The following AGBL4 variants were observed in gnomAD, a reference collection of about 807,000 sequenced individuals.
AGBL4 encodes the protein AGBL carboxypeptidase 4.
AGBL4 carries 58 observed loss-of-function variants against 66.4 expected under a neutral mutation model. That is an observed-to-expected ratio of 0.87 (90% CI 0.71 to 1.09). The LOEUF is 1.09. Among genes scored for constraint, AGBL4 ranks in the 50% least tolerant of loss-of-function variants. The pLI, the probability that AGBL4 is intolerant of heterozygous loss-of-function variation, is 0.00. For synonymous variants in AGBL4, 234 were observed against 222.9 expected, an observed-to-expected ratio of 1.05 and a Z score of -0.44; for missense variants, 579 against 631.0, an observed-to-expected ratio of 0.92 and a Z score of 0.88.
intron 3 of AGBL4, among the ~76,000 whole-genome samples, chr1:49,281,999 T>C (rs974262492): frequency 2.0e-5 from 3 of 152,178 alleles, no homozygotes; most frequent in Admixed American, 6.5e-5. Context: ...TCCTACTACT[T>C]GTGATGGGCA....
At chr1:49,206,949 A>G (rs938023732) in intron 4 of AGBL4, among the ~76,000 whole-genome samples, 2 of 151,576 alleles carry the variant, frequency 1.3e-5, no homozygotes, top group Admixed American at 1.3e-4. Context: ...GCGGAATGGG[A>G]ACTGAGGGAA....
chr1:49,920,999 C>T (rs1042735055), intron 1 of AGBL4, among the ~76,000 whole-genome samples: 3 of 152,106 alleles, frequency 2.0e-5, no homozygotes, highest in African/African-American at 7.2e-5. Flanking sequence ...GACAGAAAAC[C>T]GAACACCGCA....
intron 6 of AGBL4, among the ~76,000 whole-genome samples, chr1:48,836,268 C>T (rs1442772208): frequency 6.8e-6 from 1 of 147,950 alleles, no homozygotes; most frequent in Non-Finnish European, 1.5e-5. Context: ...ATCCCTCTCA[C>T]CCACCAGGGA....
At chr1:49,223,445 G>A (rs1340318132) in intron 4 of AGBL4, among the ~76,000 whole-genome samples, 1 of 152,050 alleles carries the variant, frequency 6.6e-6, no homozygotes, top group Non-Finnish European at 1.5e-5. Flanking sequence ...GTTTATGTGG[G>A]GCAGCCATTC....
intron 4 of AGBL4, among the ~76,000 whole-genome samples, chr1:49,106,273 C>T (rs1308306426): frequency 6.6e-6 from 1 of 152,188 alleles, no homozygotes; most frequent in African/African-American, 2.4e-5. Context: ...ATCACACATA[C>T]ATACCTCACA....
chr1:49,449,595 T>C (rs1231359803), intron 3 of AGBL4, among the ~76,000 whole-genome samples: 3 of 151,926 alleles, frequency 2.0e-5, no homozygotes, highest in Admixed American at 6.6e-5. Flanking sequence ...GAGACTAAAA[T>C]TGGTATGGGA....
intron 5 of AGBL4, among the ~76,000 whole-genome samples, chr1:49,024,646 G>A (rs1663502594): frequency 6.6e-6 from 1 of 152,156 alleles, no homozygotes; most frequent in South Asian, 2.1e-4. Flanking sequence ...CTATTATCAT[G>A]TTTGACATGT....
chr1:49,859,201 A>T lies in AGBL4; in HGVS notation c.35-7683T>A, dbSNP rs982586684. 4.6e-5 allele frequency among the ~76,000 whole-genome samples: 7 copies of T among 152,346 alleles called. No individual in the cohort carries two copies. The East Asian group carries it at 9.6e-4, about 21-fold the overall frequency. On this transcript the variant is annotated intron_variant, in intron 1 of 13. Transcript: ENST00000371839. ...AAAGCCACTGGGCATTATTAAGAGG[A>T]TAATGAGAGAACATTATGAACAATG...
chr1:48,773,820 C>T (rs1366693987), intron 6 of AGBL4, among the ~76,000 whole-genome samples: 1 of 152,162 alleles, frequency 6.6e-6, no homozygotes, highest in Non-Finnish European at 1.5e-5. Context: ...GAAATACTAA[C>T]CACAGCAATA....
At chr1:49,605,430 G>C (rs1490099391) in intron 3 of AGBL4, among the ~76,000 whole-genome samples, 1 of 152,090 alleles carries the variant, frequency 6.6e-6, no homozygotes, top group Admixed American at 6.6e-5. Flanking sequence ...CACAGAAAAG[G>C]GGATGGTGGG....
chr1:48,573,653 T>C (rs1009140719), intron 11 of AGBL4, among the ~76,000 whole-genome samples: 2 of 152,206 alleles, frequency 1.3e-5, no homozygotes, highest in African/African-American at 2.4e-5. Flanking sequence ...TTAAGAAAGC[T>C]GTTATTTAAG....
At chr1:48,572,959 G>A (rs1014623595) in intron 11 of AGBL4, among the ~76,000 whole-genome samples, 3 of 152,184 alleles carry the variant, frequency 2.0e-5, no homozygotes, top group Non-Finnish European at 4.4e-5. Context: ...TGGGTTACCA[G>A]CCCTGTGGCC....
chr1:49,790,319 G>A (rs1048626792), intron 2 of AGBL4, among the ~76,000 whole-genome samples: 12 of 147,436 alleles, frequency 8.1e-5, no homozygotes, highest in Middle Eastern at 3.6e-3. Context: ...AGCTGAGATC[G>A]CATGACTGCA....
At chr1:49,394,055 C>A (rs561559499) in intron 3 of AGBL4, among the ~76,000 whole-genome samples, 1 of 151,890 alleles carries the variant, frequency 6.6e-6, no homozygotes, top group Non-Finnish European at 1.5e-5. Context: ...TCTGATTACT[C>A]TACTGCTGAC....
chr1:49,537,364 T>A (rs1290148568), intron 3 of AGBL4, among the ~76,000 whole-genome samples: 1 of 152,160 alleles, frequency 6.6e-6, no homozygotes, highest in African/African-American at 2.4e-5. Flanking sequence ...GCCCACTGAA[T>A]GAGAGAAAAC....
At chr1:49,166,722 T>C (rs148651174) in intron 4 of AGBL4, among the ~76,000 whole-genome samples, 1 of 152,276 alleles carries the variant, frequency 6.6e-6, no homozygotes, top group Non-Finnish European at 1.5e-5. Flanking sequence ...ATCACCTTTA[T>C]GCCAATTCTA....
chr1:48,760,621 C>A (rs1366461587), intron 6 of AGBL4, among the ~76,000 whole-genome samples: 1 of 152,186 alleles, frequency 6.6e-6, no homozygotes. Flanking sequence ...GGGCCAGGCG[C>A]ATAGCAGGAG....
At chr1:49,928,771 C>T (rs909553425) in intron 1 of AGBL4, among the ~76,000 whole-genome samples, 61 of 151,996 alleles carry the variant, frequency 4.0e-4, no homozygotes, top group African/African-American at 1.4e-3. Flanking sequence ...TCTCAAAGAA[C>T]CAACAGTTGA....
At chr1:49,385,930 C>G (rs1164904889) in intron 3 of AGBL4, among the ~76,000 whole-genome samples, 2 of 152,106 alleles carry the variant, frequency 1.3e-5, no homozygotes. Flanking sequence ...ATGTATATAT[C>G]AAGTATCTAA....
Sources: allele counts gnomAD v4.1 joint callset (sites outside exome capture counted in the v4.1 genomes callset), GRCh38; gene constraint gnomAD v4.1.1; transcripts MANE v1.5; gene names NCBI Gene and HGNC (gene_info 2026-07-23, HGNC 2026-07-21).